The following PTPRD variants were observed in gnomAD, a reference collection of about 807,000 sequenced individuals.
PTPRD encodes the protein protein tyrosine phosphatase receptor type D.
PTPRD carries 34 observed loss-of-function variants against 214.5 expected under a neutral mutation model. The observed-to-expected ratio is 0.16, with a 90% CI of 0.12 to 0.21. The LOEUF (loss-of-function observed/expected upper bound fraction) is 0.21. PTPRD is among the 10% of genes least tolerant of loss of function. The probability of loss-of-function intolerance (pLI) is 1.00; values close to 1 mark genes in which losing one functional copy is unlikely to be tolerated. For synonymous variants in PTPRD, 1,128 were observed against 845.7 expected, an observed-to-expected ratio of 1.33 and a Z score of -5.79; for missense variants, 2,545 against 2,398.7, an observed-to-expected ratio of 1.06 and a Z score of -1.27.
intron 37 of PTPRD, among the ~76,000 whole-genome samples, chr9:8,381,374 T>G (rs1428528148): frequency 6.6e-6 from 1 of 152,204 alleles, no homozygotes; most frequent in African/African-American, 2.4e-5. Flanking sequence ...ATAGTAACTA[T>G]TCTGGAAATT....
At chr9:9,944,449 A>T (rs2092230346) in intron 4 of PTPRD, among the ~76,000 whole-genome samples, 1 of 152,154 alleles carries the variant, frequency 6.6e-6, no homozygotes. Flanking sequence ...CTTTCTCCAT[A>T]TGAAGCTTTA....
At chr9:9,894,030 T>C (rs1313584929) in intron 5 of PTPRD, among the ~76,000 whole-genome samples, 1 of 152,080 alleles carries the variant, frequency 6.6e-6, no homozygotes, top group Non-Finnish European at 1.5e-5. Flanking sequence ...CTCAGGCTGA[T>C]ATCAAACTTC....
At chr9:8,809,578 A>G (rs2154522114) in intron 11 of PTPRD, among the ~76,000 whole-genome samples, 1 of 152,318 alleles carries the variant, frequency 6.6e-6, no homozygotes, top group East Asian at 1.9e-4. Flanking sequence ...TAGTCCTCAA[A>G]GATATTATTA....
intron 2 of PTPRD, among the ~76,000 whole-genome samples, chr9:10,586,116 T>C (rs1471600089): frequency 6.6e-6 from 1 of 152,130 alleles, no homozygotes; most frequent in Non-Finnish European, 1.5e-5. Flanking sequence ...AAGTAAATTA[T>C]AAGAGATTTA....
In PTPRD at chr9:9,824,247, A is replaced by G. The variant is rs573774220; in HGVS notation, c.-367-57396T>C. 9.1e-4 allele frequency among the ~76,000 whole-genome samples: 139 copies of G among 152,016 alleles called. 1 individual carries two copies. The highest frequency in any genetic ancestry group is 1.5e-3 in the Non-Finnish European group (101 of 67,912). ...AGGAATTTTGGATTAGAAATACTCA[A>G]CCTGCATCTTTATTTATCCTTAGTC... On this transcript the variant is annotated intron_variant, in intron 5 of 45. Transcript: ENST00000381196.
intron 44 of PTPRD, among the ~76,000 whole-genome samples, chr9:8,321,441 G>A (rs1587365468): frequency 7.8e-6 from 1 of 128,646 alleles, no homozygotes; most frequent in African/African-American, 2.8e-5. Flanking sequence ...TAAATAAGAG[G>A]AAATATATAG....
intron 10 of PTPRD, among the ~76,000 whole-genome samples, chr9:9,056,165 C>T (rs750309693): frequency 2.0e-5 from 3 of 152,266 alleles, no homozygotes; most frequent in African/African-American, 7.2e-5. Context: ...ACGAAGAAGA[C>T]AAAATCATCT....
intron 9 of PTPRD, among the ~76,000 whole-genome samples, chr9:9,346,956 G>T (rs932441386): frequency 1.3e-5 from 2 of 152,086 alleles, no homozygotes; most frequent in African/African-American, 4.8e-5. Context: ...GCCTTCTAAA[G>T]TGCTGGGATT....
intron 14 of PTPRD, among the ~76,000 whole-genome samples, chr9:8,532,105 C>T (rs569011552): frequency 3.9e-5 from 6 of 152,120 alleles, no homozygotes; most frequent in East Asian, 1.9e-4. Flanking sequence ...TATCCATCCC[C>T]CTTTGCACAG....
chr9:10,213,084 G>T (rs548425293), intron 3 of PTPRD, among the ~76,000 whole-genome samples: 1 of 152,240 alleles, frequency 6.6e-6, no homozygotes, highest in South Asian at 2.1e-4. Context: ...GTTTTCAAGT[G>T]TTGATAAACC....
intron 9 of PTPRD, among the ~76,000 whole-genome samples, chr9:9,214,732 T>C (rs1306928654): frequency 6.6e-6 from 1 of 152,158 alleles, no homozygotes; most frequent in African/African-American, 2.4e-5. Flanking sequence ...TTTGCAAAGA[T>C]ACATTATAAA....
At chr9:9,471,308 T>G (rs1458471243) in intron 8 of PTPRD, among the ~76,000 whole-genome samples, 2 of 152,156 alleles carry the variant, frequency 1.3e-5, no homozygotes, top group Non-Finnish European at 2.9e-5. Context: ...AACTGGATAT[T>G]TCTTCTAGCT....
intron 2 of PTPRD, among the ~76,000 whole-genome samples, chr9:10,408,287 G>C (rs1418277876): frequency 6.6e-6 from 1 of 151,442 alleles, no homozygotes; most frequent in Non-Finnish European, 1.5e-5. Flanking sequence ...AATTCTGCTT[G>C]TCTAGGTCTC....
At chr9:9,560,532 T>C (rs1383323391) in intron 8 of PTPRD, among the ~76,000 whole-genome samples, 1 of 152,172 alleles carries the variant, frequency 6.6e-6, no homozygotes, top group Non-Finnish European at 1.5e-5. Flanking sequence ...TTGAGGCTCA[T>C]CCAAGCAGCA....
chr9:8,659,043 C>T (rs1451452300), intron 12 of PTPRD, among the ~76,000 whole-genome samples: 5 of 151,028 alleles, frequency 3.3e-5, no homozygotes, highest in Non-Finnish European at 7.4e-5. Context: ...AACTTATTCT[C>T]ATCCTTCAAC....
intron 14 of PTPRD, among the ~76,000 whole-genome samples, chr9:8,590,222 T>G (rs961819881): frequency 6.6e-6 from 1 of 152,108 alleles, no homozygotes; most frequent in Non-Finnish European, 1.5e-5. Flanking sequence ...TAAGCTAGGG[T>G]TGAAAATAGC....
intron 11 of PTPRD, among the ~76,000 whole-genome samples, chr9:8,956,727 G>T (rs1411503710): frequency 6.6e-6 from 1 of 151,738 alleles, no homozygotes; most frequent in African/African-American, 2.4e-5. Context: ...TTCTGTTCCT[G>T]CCTCCCTCCC....
At chr9:10,282,995 G>C (rs905739493) in intron 3 of PTPRD, among the ~76,000 whole-genome samples, 2 of 151,812 alleles carry the variant, frequency 1.3e-5, no homozygotes, top group South Asian at 2.1e-4. Context: ...ATTAATATCT[G>C]TTCTTTTGCA....
chr9:8,559,802 C>T (rs939518086), intron 14 of PTPRD, among the ~76,000 whole-genome samples: 2 of 152,230 alleles, frequency 1.3e-5, no homozygotes, highest in African/African-American at 4.8e-5. Flanking sequence ...CATGAGAAGT[C>T]AGCTTCAAAG....
Sources: gnomAD v4.1 joint callset for allele counts (sites outside exome capture counted in the v4.1 genomes callset) on GRCh38, gnomAD v4.1.1 for gene constraint, MANE v1.5 for transcripts, NCBI Gene and HGNC (gene_info 2026-07-23, HGNC 2026-07-21) for gene names.